Variants in FMNL2 observed in about 807,000 individuals in gnomAD.
FMNL2 encodes formin-like protein 2.
A neutral mutation model predicts 130.2 loss-of-function variants in FMNL2; 51 were observed. The ratio of observed to expected loss-of-function variants is 0.39; its 90% CI spans 0.31 to 0.49. The LOEUF is 0.49. FMNL2 is among the 20% of genes least tolerant of loss of function. FMNL2 has a pLI of 0.85. For missense variants in FMNL2, 977 were observed against 1,316.2 expected (o/e 0.74, Z 3.99); for synonymous variants, 465 against 467.1 (o/e 1.00, Z 0.06).
At chr2:152,561,188 A>T (rs116585391) in intron 6 of FMNL2, among the ~76,000 whole-genome samples, 153 bp downstream of exon 6, 266 of 152,296 alleles carry the variant, frequency 1.7e-3, no homozygotes, top group African/African-American at 5.9e-3. Flanking sequence ...TTAGGAGTTC[A>T]TGGGATCTTC....
At chr2:152,582,124 A>G (rs558763855) in intron 9 of FMNL2, among the ~76,000 whole-genome samples, 2 of 152,368 alleles carry the variant, frequency 1.3e-5, no homozygotes, top group African/African-American at 4.8e-5. Context: ...TCACATAGCT[A>G]GATAAGTGAC....
chr2:152,646,734 C>T (rs1199073543), intron 25 of FMNL2, among the ~76,000 whole-genome samples: 8 of 152,154 alleles, frequency 5.3e-5, no homozygotes, highest in East Asian at 1.9e-4. Flanking sequence ...CTAAAGATAG[C>T]ATGTATTCTA....
intron 12 of FMNL2, among the ~76,000 whole-genome samples, chr2:152,616,194 A>G (rs1221933159): frequency 1.3e-5 from 2 of 152,096 alleles, no homozygotes; most frequent in Non-Finnish European, 2.9e-5. Context: ...TGTTTAACAC[A>G]TGGCTCACCC....
chr2:152,390,451 C>T, intron 1 of FMNL2: 1 of 1,338,034 alleles, frequency 7.5e-7, no homozygotes. Context: ...ATGATTAACC[C>T]TGAGAATTCC....
chr2:152,392,199 C>T (rs1685152644), intron 1 of FMNL2, among the ~76,000 whole-genome samples: 1 of 151,856 alleles, frequency 6.6e-6, no homozygotes, highest in Admixed American at 6.6e-5. Flanking sequence ...CTTTTCAAAC[C>T]CCTGTTTTCT....
intron 1 of FMNL2, among the ~76,000 whole-genome samples, chr2:152,425,078 C>T (rs1687131875): frequency 6.6e-6 from 1 of 152,144 alleles, no homozygotes; most frequent in South Asian, 2.1e-4. Context: ...CAAAATCAAC[C>T]TGCTTATTTT....
intron 1 of FMNL2, among the ~76,000 whole-genome samples, chr2:152,381,451 G>A (rs1488528420): frequency 6.6e-6 from 1 of 152,138 alleles, no homozygotes; most frequent in Admixed American, 6.5e-5. Context: ...AATGAGAGGA[G>A]CTTCTTGTCT....
At position 152,544,863 on chromosome 2, in the gene FMNL2, G is replaced by C. The variant is rs142613516; in HGVS notation, c.282+2044G>C. ...GTTCCAATTTTCCTTTAGATCAGCTGTTTCTGGGTTTAGGCAAAGAGAACA... is the reference window on the plus strand; with the variant it reads ...GTTCCAATTTTCCTTTAGATCAGCTCTTTCTGGGTTTAGGCAAAGAGAACA... On this transcript the variant is annotated intron_variant, in intron 3 of 25. Transcript: ENST00000288670. Among the ~76,000 whole-genome samples the C allele has an allele frequency of 5.0e-3, 755 of 152,292 alleles. 5 individuals carry two copies. Among genetic ancestry groups the C allele is most frequent in the African/African-American group, 0.018 (730 of 41,542 alleles).
At chr2:152,539,460 C>T (rs1024567078) in intron 2 of FMNL2, 1 of 152,210 alleles carries the variant, frequency 6.6e-6, no homozygotes, top group Non-Finnish European at 1.5e-5. Flanking sequence ...AGGAGATGGG[C>T]AGACTATGCC....
chr2:152,476,977 T>C (rs1279706537), intron 1 of FMNL2, among the ~76,000 whole-genome samples: 1 of 152,180 alleles, frequency 6.6e-6, no homozygotes, highest in East Asian at 1.9e-4. Flanking sequence ...AGAATGATCA[T>C]TTGTGTAAGA....
intron 16 of FMNL2, 37 bp from the exon 17 acceptor site, chr2:152,626,488 T>C: frequency 6.6e-7 from 1 of 1,524,784 alleles, no homozygotes; most frequent in South Asian, 1.2e-5. Flanking sequence ...TTTTTAAATA[T>C]AATCCAATTT....
intron 1 of FMNL2, among the ~76,000 whole-genome samples, chr2:152,443,131 G>A (rs1372111890): frequency 6.6e-6 from 1 of 152,188 alleles, no homozygotes; most frequent in African/African-American, 2.4e-5. Context: ...GATTAGAGAC[G>A]AGAAACGAAG....
chr2:152,530,781 T>C (rs1410681284), intron 2 of FMNL2, among the ~76,000 whole-genome samples: 1 of 152,192 alleles, frequency 6.6e-6, no homozygotes, highest in Non-Finnish European at 1.5e-5. Flanking sequence ...TCTAAAGTCA[T>C]TGAGGAAATT....
chr2:152,462,095 T>C (rs1051737108), intron 1 of FMNL2, among the ~76,000 whole-genome samples: 2 of 152,092 alleles, frequency 1.3e-5, no homozygotes, highest in African/African-American at 4.8e-5. Context: ...AGGATTTTGC[T>C]TAAGTAATCC....
At chr2:152,413,153 A>G (rs199512194) in intron 1 of FMNL2, among the ~76,000 whole-genome samples, 1 of 152,200 alleles carries the variant, frequency 6.6e-6, no homozygotes, top group Non-Finnish European at 1.5e-5. Flanking sequence ...GCAGGTGGCA[A>G]CAGACACTAG....
At chr2:152,447,328 C>T (rs1226678087) in intron 1 of FMNL2, among the ~76,000 whole-genome samples, 1 of 152,100 alleles carries the variant, frequency 6.6e-6, no homozygotes, top group Non-Finnish European at 1.5e-5. Flanking sequence ...ATCTTGAACT[C>T]CTGAGCTCAA....
At chr2:152,422,509 C>T (rs751716905) in intron 1 of FMNL2, among the ~76,000 whole-genome samples, 19 of 151,830 alleles carry the variant, frequency 1.3e-4, no homozygotes, top group Admixed American at 5.9e-4. Flanking sequence ...AAGTATAGAC[C>T]GAAATGATTT....
intron 1 of FMNL2, among the ~76,000 whole-genome samples, chr2:152,459,699 T>C (rs1258573554): frequency 6.6e-6 from 1 of 152,222 alleles, no homozygotes; most frequent in Non-Finnish European, 1.5e-5. Context: ...GAAGTTAATC[T>C]GGGCCAGATG....
chr2:152,461,751 G>T lies in FMNL2; in HGVS notation c.118-60192G>T, dbSNP rs149568127. Among the ~76,000 whole-genome samples the T allele has an allele frequency of 1.2e-4, 19 of 152,164 alleles. 1 individual carries two copies. The highest frequency in any genetic ancestry group is 4.1e-4 in the South Asian group (2 of 4,820). On this transcript the variant is annotated intron_variant, in intron 1 of 25. Coordinates refer to ENST00000288670, the MANE Select transcript of FMNL2 (RefSeq NM_052905.4). Reference sequence around the variant, plus strand: ...TCAAGGTGATATGTAATTACAAAAAGAATTTTGTTCTTCTTTTGTATAGGA... The same window carrying T: ...TCAAGGTGATATGTAATTACAAAAATAATTTTGTTCTTCTTTTGTATAGGA...
Sources: gnomAD v4.1 joint callset for allele counts (sites outside exome capture counted in the v4.1 genomes callset) on GRCh38, gnomAD v4.1.1 for gene constraint, MANE v1.5 for transcripts, NCBI Gene and HGNC (gene_info 2026-07-23, HGNC 2026-07-21) for gene names.